TRIM27: variants seen among roughly 807,000 people sequenced by gnomAD.
The protein encoded by TRIM27 is tripartite motif containing 27.
In TRIM27, 12 loss-of-function variants were observed where a neutral mutation model predicts 57.6. That is an observed-to-expected ratio of 0.21 (90% CI 0.13 to 0.34). TRIM27 has a LOEUF of 0.34. Among genes scored for constraint, TRIM27 ranks in the 10% least tolerant of loss-of-function variants. The pLI is 1.00. For missense variants in TRIM27, 403 were observed against 656.8 expected (o/e 0.61, Z 4.22); for synonymous variants, 266 against 259.0 (o/e 1.03, Z -0.26).
rs578174479 is a variant in TRIM27 at position 28,922,762 on chromosome 6, G to A, written c.420+451C>T. On this transcript the variant is annotated intron_variant, in intron 1 of 7. Transcript: ENST00000377199. ...GCAGCGAAAAGCTGTTCTTTTCTGT[G>A]AGTTTCTAGACCAGGACGGATTGCA... Among the ~76,000 whole-genome samples, 31 of 152,264 alleles carry A rather than the reference G, an allele frequency of 2.0e-4. 1 individual carries two copies. The highest frequency in any genetic ancestry group is 1.9e-4 in the East Asian group (1 of 5,180).
chr6:28,918,202 T>C (rs1773756789), intron 3 of TRIM27, among the ~76,000 whole-genome samples: 1 of 152,200 alleles, frequency 6.6e-6, no homozygotes, highest in Admixed American at 6.5e-5. Flanking sequence ...CCATATGTAT[T>C]TTGAAAATAT....
chr6:28,912,831 G>A (rs1430856977), intron 3 of TRIM27, among the ~76,000 whole-genome samples: 1 of 151,880 alleles, frequency 6.6e-6, no homozygotes, highest in African/African-American at 2.4e-5. Context: ...ATATTTTGGG[G>A]GTGCATGCGA....
At chr6:28,916,673 G>A (rs1344099479) in intron 3 of TRIM27, among the ~76,000 whole-genome samples, 1 of 152,140 alleles carries the variant, frequency 6.6e-6, no homozygotes, top group Non-Finnish European at 1.5e-5. Context: ...AAGGAAATGA[G>A]GAGTGATTGC....
intron 3 of TRIM27, among the ~76,000 whole-genome samples, chr6:28,918,376 T>G (rs1456854236): frequency 6.6e-6 from 1 of 152,076 alleles, no homozygotes; most frequent in Non-Finnish European, 1.5e-5. Flanking sequence ...CTCCCCCTAA[T>G]GTGGCTCCTG....
intron 7 of TRIM27, chr6:28,905,033 C>A: frequency 4.4e-6 from 1 of 229,616 alleles, no homozygotes; most frequent in Non-Finnish European, 8.6e-6. Flanking sequence ...CCGCCTAAGA[C>A]ACCCAAGTAG....
chr6:28,917,595 A>T (rs1445763221), intron 3 of TRIM27, among the ~76,000 whole-genome samples: 4 of 151,028 alleles, frequency 2.6e-5, no homozygotes, highest in Admixed American at 2.0e-4. Flanking sequence ...AAAAAAAAAG[A>T]AAGTTACACA....
intron 7 of TRIM27, 65 bp downstream of exon 7, chr6:28,907,171 T>C (rs1289898215): frequency 1.5e-5 from 21 of 1,429,402 alleles, no homozygotes; most frequent in South Asian, 4.9e-5. Flanking sequence ...TCATTCATAA[T>C]AGTAGTTAGG....
At chr6:28,919,557 C>T (rs140543234) in intron 3 of TRIM27, among the ~76,000 whole-genome samples, 22 of 152,298 alleles carry the variant, frequency 1.4e-4, no homozygotes, top group Non-Finnish European at 2.5e-4. Flanking sequence ...GGTTAAATCA[C>T]AGGACTGCTC....
Position 28,923,420 on chromosome 6 carries a change from C to T in TRIM27, c.213G>A (p.Leu71=). The change falls in exon 1 of 8, where the codon CTG becomes CTA. Residue 71 remains leucine (L), a synonymous_variant. Coordinates refer to ENST00000377199, the MANE Select transcript of TRIM27 (RefSeq NM_006510.5). The part of the protein sequence containing the change: ...PQRHMRPNRH[L]ANVTQLVKQL... ...GCTTTACCAGTTGGGTCACGTTGGC[C>T]AGGTGCCGGTTGGGCCGCATGTGCC... The T allele has an allele frequency of 6.2e-7, 1 of 1,612,232 alleles. No individual in the cohort carries two copies. The highest frequency in any genetic ancestry group is 8.5e-7 in the Non-Finnish European group (1 of 1,179,458).
intron 6 of TRIM27, 67 bp from the exon 7 acceptor site, chr6:28,907,329 G>A (rs1772840013): frequency 6.7e-7 from 1 of 1,502,620 alleles, no homozygotes; most frequent in Non-Finnish European, 9.2e-7. Context: ...AACTAAGGGG[G>A]CTTTGGTTAG....
chr6:28,910,998 C>T (rs1048270986), intron 4 of TRIM27, among the ~76,000 whole-genome samples: 11 of 152,166 alleles, frequency 7.2e-5, no homozygotes, highest in Non-Finnish European at 1.5e-4. Context: ...AGAAGGTTTT[C>T]ACCATTCAGG....
chr6:28,919,258 C>T lies in TRIM27; in HGVS notation c.747+754G>A, dbSNP rs373269079. Among the ~76,000 whole-genome samples, 32 of 152,260 alleles carry T rather than the reference C, an allele frequency of 2.1e-4. No individual in the cohort carries two copies. In the South Asian group the frequency reaches 5.6e-3, roughly 27 times the overall value. On this transcript the variant is annotated intron_variant, in intron 3 of 7. Coordinates refer to ENST00000377199, the MANE Select transcript of TRIM27 (RefSeq NM_006510.5). Reference sequence around the variant, plus strand: ...AGTCCTAGACCTTGTGATCCACCCGCCTCGGCCCCCCAAAGTGCTGGGATT... The same window carrying T: ...AGTCCTAGACCTTGTGATCCACCCGTCTCGGCCCCCCAAAGTGCTGGGATT...
In TRIM27 at chr6:28,904,422, C is replaced by T; in HGVS notation, c.1190G>A (p.Gly397Glu). The change falls in exon 8 of 8, where the codon GGA becomes GAA. Residue 397 changes from glycine to glutamate, a missense_variant. Coordinates refer to ENST00000377199, the MANE Select transcript of TRIM27 (RefSeq NM_006510.5). This position sits in a 1 kb window ranked among gnomAD's most constrained non-coding sequence, Gnocchi z 6.1. Reference sequence around the variant, plus strand: ...TCCATTCTGGGGGGCTGAGGTTACTCCACCTTTTCTGCACACTGAGTCTTC... The same window carrying T: ...TCCATTCTGGGGGGCTGAGGTTACTTCACCTTTTCTGCACACTGAGTCTTC... ...VCEDSVCRKGGVTSAPQNGFW... is the reference protein window; with the variant it reads ...VCEDSVCRKGEVTSAPQNGFW... The T allele has an allele frequency of 6.2e-7, 1 of 1,613,078 alleles. No individual in the cohort carries two copies.
Position 28,923,693 on chromosome 6 carries a change from A to G in TRIM27, c.-61T>C. 1 of 1,439,886 alleles carries G rather than the reference A, an allele frequency of 6.9e-7. No individual in the cohort carries two copies. The highest frequency in any genetic ancestry group is 9.2e-7 in the Non-Finnish European group (1 of 1,086,926). 89.2% of individuals were successfully genotyped at this position (1,439,886 alleles called of 1,614,324 possible). A position where few individuals can be genotyped will look rare whatever the true frequency, so the allele number is the denominator to read the frequency against. ...CGGCGCCGAGCTCTGCACTGAGCCC[A>G]ACTCTCCGGCGCTCTCTCCGGTTCG... On this transcript the variant is annotated 5_prime_UTR_variant, in exon 1 of 8. Transcript: ENST00000377199.
Position 28,903,966 on chromosome 6 carries a change from A to G in TRIM27, c.*104T>C, listed in dbSNP as rs1017361330. ...GTCTCCCACTGCAAGGGCGTGGAAC[A>G]TGGTAAGGATACCCAGCTGTGACAG... On this transcript the variant is annotated 3_prime_UTR_variant, in exon 8 of 8. Transcript: ENST00000377199. 1.0e-5 allele frequency: 9 copies of G among 879,552 alleles called. 1 individual carries two copies. The highest frequency in any genetic ancestry group is 7.8e-5 in the South Asian group (5 of 64,016). 54.5% of individuals were successfully genotyped at this position (879,552 alleles called of 1,614,324 possible). A position where few individuals can be genotyped will look rare whatever the true frequency, so the allele number is the denominator to read the frequency against.
chr6:28,923,261 G>A lies in TRIM27; in HGVS notation c.372C>T (p.His124=), dbSNP rs546837888. The part of the protein sequence containing the change: ...ICVVCDRSRE[H]RGHSVLPLEE... Reference sequence around the variant, plus strand: ...CGAGCGGCAGCACGCTGTGGCCGCGGTGCTCGCGGGAGCGGTCGCACACCA... The same window carrying A: ...CGAGCGGCAGCACGCTGTGGCCGCGATGCTCGCGGGAGCGGTCGCACACCA... The change falls in exon 1 of 8, where the codon CAC becomes CAT. Residue 124 remains histidine, a synonymous_variant. Coordinates refer to ENST00000377199, the MANE Select transcript of TRIM27 (RefSeq NM_006510.5). The A allele has an allele frequency of 3.1e-6, 5 of 1,607,852 alleles. No individual in the cohort carries two copies. The highest frequency in any genetic ancestry group is 2.2e-5 in the South Asian group (2 of 90,694).
intron 3 of TRIM27, 54 bp from the exon 4 acceptor site, chr6:28,911,772 T>A: frequency 1.3e-6 from 2 of 1,584,142 alleles, no homozygotes; most frequent in Non-Finnish European, 1.7e-6. Context: ...AACTTCGGTT[T>A]TCTTTCACAG....
Position 28,908,192 on chromosome 6 carries a change from T to C in TRIM27, c.919+616A>G, listed in dbSNP as rs146888115. ...ATAAACATAAATATAGGACTTATTATGTGTCAGGTTCTATTCTAGAAGTGT... is the reference window on the plus strand; with the variant it reads ...ATAAACATAAATATAGGACTTATTACGTGTCAGGTTCTATTCTAGAAGTGT... On this transcript the variant is annotated intron_variant, in intron 6 of 7. Coordinates refer to ENST00000377199, the MANE Select transcript of TRIM27 (RefSeq NM_006510.5). The C allele has an allele frequency of 1.3e-3, 204 of 154,870 alleles. 6 individuals are homozygous for C. The South Asian group carries it at 0.034, about 26-fold the overall frequency. 9.6% of individuals were successfully genotyped at this position (154,870 alleles called of 1,614,324 possible). A position where few individuals can be genotyped will look rare whatever the true frequency, so the allele number is the denominator to read the frequency against.
intron 2 of TRIM27, among the ~76,000 whole-genome samples, chr6:28,920,623 A>C (rs189835336): frequency 2.0e-5 from 3 of 152,308 alleles, no homozygotes; most frequent in Non-Finnish European, 4.4e-5. Flanking sequence ...ATGAGCGGGA[A>C]GCCTTTCCAG....
Sources: allele counts gnomAD v4.1 joint callset (sites outside exome capture counted in the v4.1 genomes callset), GRCh38; gene constraint gnomAD v4.1.1; non-coding constraint Gnocchi (gnomAD v3.1); transcripts MANE v1.5; gene names NCBI Gene and HGNC (gene_info 2026-07-23, HGNC 2026-07-21).